The following TNFRSF10A variants were observed in gnomAD, a reference collection of about 807,000 sequenced individuals.
TNFRSF10A encodes tumor necrosis factor receptor superfamily member 10A.
Under a neutral mutation model 42.8 loss-of-function variants are expected in TNFRSF10A, and 44 were observed. The observed-to-expected ratio is 1.03, with a 90% CI of 0.81 to 1.32. The LOEUF is 1.32. Among genes scored for constraint, TNFRSF10A ranks in the 40% most tolerant of loss-of-function variants. The pLI, the probability that TNFRSF10A is intolerant of heterozygous loss-of-function variation, is 0.00. For missense variants in TNFRSF10A, 680 were observed against 602.0 expected (o/e 1.13, Z -1.36); for synonymous variants, 259 against 234.2 (o/e 1.11, Z -0.97).
At chr8:23,200,480 G>T in intron 6 of TNFRSF10A, 25 bp downstream of exon 6, 1 of 1,611,700 alleles carries the variant, frequency 6.2e-7, no homozygotes. Flanking sequence ...AGTGCCCAGA[G>T]CCCTTGCCCT....
chr8:23,200,560 C>A lies in TNFRSF10A; in HGVS notation c.744G>T (p.Leu248Phe). The A allele has an allele frequency of 6.2e-7, 1 of 1,614,162 alleles. No homozygotes were observed. Reference protein sequence around the residue: ...HNIWVILVVTLVVPLLLVAVL... With the variant: ...HNIWVILVVTFVVPLLLVAVL... Reference sequence around the variant, plus strand: ...CAGCCACCAACAGCAACGGAACAACCAAAGTCACAACCAAAATCACCCATA... The same window carrying A: ...CAGCCACCAACAGCAACGGAACAACAAAAGTCACAACCAAAATCACCCATA... Residue 248 changes from leucine to phenylalanine, a missense_variant, in exon 6 of 10, where the codon TTG becomes TTT. By Grantham distance (22) the Leu-to-Phe change is conservative. Transcript: ENST00000221132.
chr8:23,202,055 C>T, intron 3 of TNFRSF10A, 136 bp from the exon 4 acceptor site: 1 of 714,620 alleles, frequency 1.4e-6, no homozygotes, highest in South Asian at 1.7e-5. Context: ...AGATTCTGCA[C>T]CAGCACACTC....
At chr8:23,213,449 T>C (rs1801120157) in intron 1 of TNFRSF10A, among the ~76,000 whole-genome samples, 2 of 63,894 alleles carry the variant, frequency 3.1e-5, no homozygotes, top group South Asian at 1.2e-3. Flanking sequence ...TTTTTTTTTT[T>C]TTTTTTTTTT....
chr8:23,197,026 TG>T, intron 9 of TNFRSF10A, 105 bp downstream of exon 9: 1 of 1,470,192 alleles, frequency 6.8e-7, no homozygotes, highest in Non-Finnish European at 9.5e-7. Context: ...CCCCAGTTTC[TG>T]GCATGGAATG....
chr8:23,201,750 G>A, intron 4 of TNFRSF10A, 58 bp downstream of exon 4: 3 of 1,488,418 alleles, frequency 2.0e-6, no homozygotes, highest in Middle Eastern at 1.7e-4. Flanking sequence ...TCTTTTTAGG[G>A]TTCCTTGCTT....
chr8:23,207,719 T>C (rs1191492088), intron 2 of TNFRSF10A, among the ~76,000 whole-genome samples: 1 of 152,076 alleles, frequency 6.6e-6, no homozygotes, highest in Non-Finnish European at 1.5e-5. Flanking sequence ...ATGGTTATTA[T>C]AAGGGGGAGT....
At chr8:23,202,581 T>C (rs953531032) in intron 3 of TNFRSF10A, 67 bp downstream of exon 3, 9 of 1,310,984 alleles carry the variant, frequency 6.9e-6, no homozygotes, top group Middle Eastern at 1.8e-4. Flanking sequence ...CTGACTCACA[T>C]TGGCTACCAC....
In TNFRSF10A at chr8:23,200,780, G is replaced by GA; in HGVS notation, c.630-21dup. 1 of 1,463,462 alleles carries GA rather than the reference G, an allele frequency of 6.8e-7. No homozygotes were observed. The highest frequency in any genetic ancestry group is 1.4e-5 in the African/African-American group (1 of 70,602). The allele number at this position is 1,463,462 out of a possible 1,614,324, so 90.7% of individuals were successfully genotyped here. A position where few individuals can be genotyped will look rare whatever the true frequency, so the allele number is the denominator to read the frequency against. ...GGGCACCTGGGTACACACAGGGAGG[G>GA]AGGGGGGGGACTCTTGATGGAAAGC... On this transcript the variant is annotated intron_variant, in intron 4 of 9. Coordinates refer to ENST00000221132, the MANE Select transcript of TNFRSF10A (RefSeq NM_003844.4).
chr8:23,191,177 T>A lies in TNFRSF10A; in HGVS notation c.*517A>T, dbSNP rs558597049. On this transcript the variant is annotated 3_prime_UTR_variant, in exon 10 of 10. Coordinates refer to ENST00000221132, the MANE Select transcript of TNFRSF10A (RefSeq NM_003844.4). ...AATAATGCCTTACCAGTGTTCTAGG[T>A]GTTCCTTAATCCATTCAAATTAACA... 2 of 156,268 alleles carry A rather than the reference T, an allele frequency of 1.3e-5. No individual in the cohort carries two copies. Among genetic ancestry groups the A allele is most frequent in the Non-Finnish European group, 2.8e-5 (2 of 70,762 alleles). The allele number at this position is 156,268 out of a possible 1,614,324, so 9.7% of individuals were successfully genotyped here.
chr8:23,191,715 G>T lies in TNFRSF10A; in HGVS notation c.1386C>A (p.Gly462=). Residue 462 remains glycine (G), a synonymous_variant, in exon 10 of 10, where the codon GGC becomes GGA. Coordinates refer to ENST00000221132, the MANE Select transcript of TNFRSF10A (RefSeq NM_003844.4). ...GKFIYLEDGT[G]SAVSLE ...TCTTTCACTCCAAGGACACGGCAGA[G>T]CCTGTGCCATCTTCTAAGTAGATGA... The T allele has an allele frequency of 6.2e-7, 1 of 1,613,982 alleles. No individual in the cohort carries two copies. Among genetic ancestry groups the T allele is most frequent in the South Asian group, 1.1e-5 (1 of 91,068 alleles).
intron 2 of TNFRSF10A, among the ~76,000 whole-genome samples, chr8:23,211,575 C>A (rs1321043740): frequency 2.0e-5 from 3 of 151,988 alleles, no homozygotes; most frequent in Non-Finnish European, 4.4e-5. Context: ...TCAAAAAGCC[C>A]AGCATAAACA....
intron 2 of TNFRSF10A, among the ~76,000 whole-genome samples, chr8:23,204,230 G>C (rs1434992619): frequency 6.6e-6 from 1 of 152,158 alleles, no homozygotes; most frequent in African/African-American, 2.4e-5. Flanking sequence ...ATAGAGACTA[G>C]GTCTATCAAG....
rs1382920243 is a variant in TNFRSF10A at position 23,191,766 on chromosome 8, C to T, written c.1335G>A (p.Gln445=). ...ACTTTCCAGAGTCCACCAAGAGGTC[C>T]TGAATCTTCTCTCTTGCATGTCTCT... ...MEERHAREKI[Q]DLLVDSGKFI... is the part of the protein sequence containing the mutation. Residue 445 remains glutamine (Q), a synonymous_variant, in exon 10 of 10, where the codon CAG becomes CAA. Transcript: ENST00000221132. 2 of 1,614,184 alleles carry T rather than the reference C, an allele frequency of 1.2e-6. No homozygotes were observed. The highest frequency in any genetic ancestry group is 1.7e-6 in the Non-Finnish European group (2 of 1,180,018).
chr8:23,196,936 G>A (rs1172890509), intron 9 of TNFRSF10A, among the ~76,000 whole-genome samples, 196 bp downstream of exon 9: 4 of 152,132 alleles, frequency 2.6e-5, no homozygotes, highest in Admixed American at 6.6e-5. Context: ...TCATTAATAG[G>A]GTGCAGAAAG....
intron 9 of TNFRSF10A, among the ~76,000 whole-genome samples, chr8:23,193,580 T>G (rs1329751842): frequency 6.6e-6 from 1 of 152,016 alleles, no homozygotes; most frequent in Non-Finnish European, 1.5e-5. Context: ...TGTAATTGTG[T>G]GTTGTTTCAG....
At chr8:23,199,245 A>T in intron 8 of TNFRSF10A, 21 bp downstream of exon 8, 1 of 1,603,454 alleles carries the variant, frequency 6.2e-7, no homozygotes, top group Non-Finnish European at 8.5e-7. Context: ...AAGGTCTTGG[A>T]GGGGCCTGTC....
chr8:23,199,386 C>A lies in TNFRSF10A; in HGVS notation c.894G>T (p.Glu298Asp), dbSNP rs1157011669. 1.2e-6 allele frequency: 2 copies of A among 1,614,206 alleles called. No homozygotes were observed. Among genetic ancestry groups the A allele is most frequent in the Non-Finnish European group, 1.7e-6 (2 of 1,180,018 alleles). The part of the protein sequence containing the change: ...GPGAEDNAHN[E>D]ILSNADSLST... ...ACAGCGAGTCTGCGTTGCTCAGAAT[C>A]TCGTTGTGAGCATTGTCCTCAGCCC... Residue 298 changes from glutamate (E) to aspartate (D), a missense_variant, in exon 8 of 10, where the codon GAG becomes GAT. Coordinates refer to ENST00000221132, the MANE Select transcript of TNFRSF10A (RefSeq NM_003844.4).
chr8:23,218,163 T>A (rs371806582), intron 1 of TNFRSF10A, among the ~76,000 whole-genome samples: 3 of 151,726 alleles, frequency 2.0e-5, no homozygotes, highest in Non-Finnish European at 2.9e-5. Context: ...TGTTTGTGTG[T>A]GTGAGAGAGA....
At chr8:23,207,677 C>T (rs1801035765) in intron 2 of TNFRSF10A, among the ~76,000 whole-genome samples, 1 of 152,026 alleles carries the variant, frequency 6.6e-6, no homozygotes, top group Non-Finnish European at 1.5e-5. Flanking sequence ...CCTTGCAGTT[C>T]TCATGATAAT....
Sources: gnomAD v4.1 joint callset for allele counts (sites outside exome capture counted in the v4.1 genomes callset) on GRCh38, gnomAD v4.1.1 for gene constraint, MANE v1.5 for transcripts, NCBI Gene and HGNC (gene_info 2026-07-23, HGNC 2026-07-21) for gene names.